BBS1: variants seen among roughly 807,000 people sequenced by gnomAD.
BBS1 encodes the protein Bardet-Biedl syndrome 1.
In BBS1, 60 loss-of-function variants were observed where a neutral mutation model predicts 73.9. That is an observed-to-expected ratio of 0.81 (90% CI 0.66 to 1.01). The LOEUF is 1.01. Among genes scored for constraint, BBS1 ranks in the 50% least tolerant of loss-of-function variants. The probability of loss-of-function intolerance (pLI) is 0.00; values close to 1 mark genes in which losing one functional copy is unlikely to be tolerated. For synonymous variants in BBS1, 283 were observed against 317.4 expected (o/e 0.89, Z 1.15); for missense variants, 718 against 770.3 (o/e 0.93, Z 0.80).
chr11:66,523,205 G>A (rs572621472), intron 9 of BBS1: 56 of 620,010 alleles, frequency 9.0e-5, no homozygotes, highest in South Asian at 7.6e-4. Flanking sequence ...GAAGGTGGGC[G>A]GAAGACAAGA....
At chr11:66,516,122 CTTTTT>C (rs35735110) in intron 7 of BBS1, among the ~76,000 whole-genome samples, 189 bp downstream of exon 7, 1 of 99,356 alleles carries the variant, frequency 1.0e-5, no homozygotes, top group Non-Finnish European at 2.0e-5. Context: ...GTAGTGACAG[CTTTTT>C]TTTTTTTTTT....
rs1011759866 is a variant in BBS1 at position 66,527,153 on chromosome 11, G to C, written c.1339+346G>C. Reference sequence around the variant, plus strand: ...ACACTTTGGCAGAGGTGGGAGGACAGCATGAGCCCAGGAGTTCAAGACCTA... The same window carrying C: ...ACACTTTGGCAGAGGTGGGAGGACACCATGAGCCCAGGAGTTCAAGACCTA... On this transcript the variant is annotated intron_variant, in intron 13 of 16. Transcript: ENST00000318312. The C allele has an allele frequency of 5.4e-6, 4 of 745,158 alleles. No individual in the cohort carries two copies. The East Asian group carries it at 1.1e-4, about 20-fold the overall frequency. The allele number at this position is 745,158 out of a possible 1,614,324, so 46.2% of individuals were successfully genotyped here. A position where few individuals can be genotyped will look rare whatever the true frequency, so the allele number is the denominator to read the frequency against.
At chr11:66,527,013 GT>G in intron 13 of BBS1, 1 of 1,536,784 alleles carries the variant, frequency 6.5e-7, no homozygotes, top group Non-Finnish European at 8.7e-7. Flanking sequence ...GGTGCTGTGG[GT>G]GACAGCAAGA....
chr11:66,515,702 A>G lies in BBS1; in HGVS notation c.489A>G (p.Ala163=). The G allele has an allele frequency of 6.2e-7, 1 of 1,614,240 alleles. No homozygotes were observed. The highest frequency in any genetic ancestry group is 1.1e-5 in the South Asian group (1 of 91,090). ...GCCCCTTTCCTTGCAGGGAGACGGC[A>G]GAGGAGCCTTTGTCCATCCAGTCAC... ...KEMLESIRET[A]EEPLSIQSLR... Residue 163 remains alanine (A), a synonymous_variant, in exon 6 of 17, where the codon GCA becomes GCG. Transcript: ENST00000318312.
At chr11:66,514,805 C>A in intron 4 of BBS1, 127 bp downstream of exon 4, 2 of 1,072,060 alleles carry the variant, frequency 1.9e-6, no homozygotes, top group Non-Finnish European at 2.7e-6. Flanking sequence ...TCTCTGACAG[C>A]AGCAGTGATG....
At chr11:66,523,403 T>C (rs1274859669) in intron 9 of BBS1, 53 bp from the exon 10 acceptor site, 7 of 1,613,686 alleles carry the variant, frequency 4.3e-6, no homozygotes, top group Admixed American at 1.7e-5. Flanking sequence ...GGGTCAGCCA[T>C]AGAAGTGGAG....
At position 66,514,536 on chromosome 11, in the gene BBS1, A is replaced by G. The variant is rs777005564; in HGVS notation, c.290A>G (p.His97Arg). 5.0e-6 allele frequency: 8 copies of G among 1,614,024 alleles called. No individual in the cohort carries two copies. The Admixed American group carries it at 1.2e-4, about 24-fold the overall frequency. ...GCTGCCACCTTCCTCATGGAGCAAC[A>G]TGAGCCCCGGACCCCAGCTCTGGCA... ...AAAATFLMEQ[H>R]EPRTPALALA... Residue 97 changes from histidine (H) to arginine (R), a missense_variant, in exon 4 of 17, where the codon CAT (histidine) becomes CGT (arginine). By Grantham distance (29) the His-to-Arg change is conservative (BLOSUM62 0). Transcript: ENST00000318312.
chr11:66,521,438 G>A (rs1856213135), intron 9 of BBS1, 62 bp downstream of exon 9: 2 of 1,339,232 alleles, frequency 1.5e-6, no homozygotes, highest in African/African-American at 2.9e-5. Context: ...TGGCTTCAGA[G>A]GCTTGCAAGA....
intron 7 of BBS1, among the ~76,000 whole-genome samples, chr11:66,517,691 C>A (rs753138350): frequency 5.3e-5 from 8 of 152,128 alleles, no homozygotes; most frequent in Admixed American, 4.6e-4. Flanking sequence ...TGGTCTCGAT[C>A]TCTTGACCTC....
At chr11:66,511,141 C>A in intron 2 of BBS1, 52 bp downstream of exon 2, 1 of 1,613,740 alleles carries the variant, frequency 6.2e-7, no homozygotes, top group Non-Finnish European at 8.5e-7. Context: ...GGGAGTCAGA[C>A]AATGGTCCTG....
At chr11:66,512,187 T>C (rs1855969439) in intron 3 of BBS1, among the ~76,000 whole-genome samples, 1 of 151,968 alleles carries the variant, frequency 6.6e-6, no homozygotes, top group African/African-American at 2.4e-5. Flanking sequence ...TCAGTATCCA[T>C]TTCTGGACTA....
In BBS1 at chr11:66,510,785, C is replaced by T; in HGVS notation, c.47+79C>T. The T allele has an allele frequency of 1.9e-6, 3 of 1,586,280 alleles. No homozygotes were observed. The South Asian group carries it at 3.3e-5, about 18-fold the overall frequency. ...TTGGTCCCCGGGCTCTGGGCTCCTG[C>T]TGTTCTCGGGCAGTCTGGAAGGACT... is the stretch of plus-strand genomic sequence containing the variant. On this transcript the variant is annotated intron_variant, in intron 1 of 16. Coordinates refer to ENST00000318312, the MANE Select transcript of BBS1 (RefSeq NM_024649.5).
At position 66,531,903 on chromosome 11, in the gene BBS1, AG is replaced by A. The variant is rs900334123; in HGVS notation, c.1696-44del. The A allele has an allele frequency of 3.8e-6, 6 of 1,570,506 alleles. No individual in the cohort carries two copies. In the African/African-American group the frequency reaches 4.1e-5, roughly 11 times the overall value. On this transcript the variant is annotated intron_variant, in intron 16 of 16. Transcript: ENST00000318312. ...CATTAGGGCCAGCGCAGACCAGGCA[AG>A]GGGTCAGGGGTGTATGCCCCCTGCT...
intron 11 of BBS1, among the ~76,000 whole-genome samples, chr11:66,525,199 C>CAA (rs1202954773): frequency 0.02 from 1,671 of 83,408 alleles, 55 homozygotes; most frequent in African/African-American, 0.07. Context: ...GACTCCATCT[C>CAA]AAAAAAAAAA....
chr11:66,518,558 C>T (rs957985876), intron 7 of BBS1, among the ~76,000 whole-genome samples: 3 of 151,402 alleles, frequency 2.0e-5, no homozygotes, highest in Non-Finnish European at 2.9e-5. Context: ...CTCTGCTTCC[C>T]GGGTTCCAGC....
At position 66,531,019 on chromosome 11, in the gene BBS1, C is replaced by T; in HGVS notation, c.1599C>T (p.Ala533=). Residue 533 remains alanine (A), a synonymous_variant, in exon 15 of 17, where the codon GCC becomes GCT. Coordinates refer to ENST00000318312, the MANE Select transcript of BBS1 (RefSeq NM_024649.5). ...YNEALYSLPR[A]FFKVPLLVPG... ...AGGCGCTCTATTCCCTGCCCCGGGC[C>T]TTCTTCAAGGTACTGGATGCTCCTC... 2 of 1,614,222 alleles carry T rather than the reference C, an allele frequency of 1.2e-6. No homozygotes were observed. The highest frequency in any genetic ancestry group is 1.7e-6 in the Non-Finnish European group (2 of 1,180,032).
intron 15 of BBS1, 34 bp from the exon 16 acceptor site, chr11:66,531,622 G>C: frequency 3.1e-6 from 5 of 1,613,906 alleles, no homozygotes; most frequent in Non-Finnish European, 4.2e-6. Flanking sequence ...TGGCACGAGG[G>C]CTGGTTTCCT....
chr11:66,514,117 A>G (rs1156533612), intron 3 of BBS1, among the ~76,000 whole-genome samples: 3 of 152,236 alleles, frequency 2.0e-5, no homozygotes, highest in Admixed American at 6.5e-5. Flanking sequence ...AATGAATAAT[A>G]AAAACATCAA....
rs1181760871 is a variant in BBS1 at position 66,526,771 on chromosome 11, G to A, written c.1303G>A (p.Val435Met). The stretch of plus-strand genomic sequence containing the variant: ...TGTGCCCCGAAAGACCCGGCTTTAC[G>A]TGGATCAGACACTGCGAGAGCGGGA... The part of the protein sequence containing the change: ...LNVPRKTRLY[V>M]DQTLREREAG... Residue 435 changes from valine (V) to methionine (M), a missense_variant, in exon 13 of 17, where the codon GTG (valine) becomes ATG (methionine). By Grantham distance (21) the Val-to-Met change is conservative (BLOSUM62 1). Transcript: ENST00000318312. 7 of 1,614,244 alleles carry A rather than the reference G, an allele frequency of 4.3e-6. No individual in the cohort carries two copies. The highest frequency in any genetic ancestry group is 2.7e-5 in the African/African-American group (2 of 75,060).
Sources: gnomAD v4.1 joint callset for allele counts (sites outside exome capture counted in the v4.1 genomes callset) on GRCh38, gnomAD v4.1.1 for gene constraint, MANE v1.5 for transcripts, NCBI Gene and HGNC (gene_info 2026-07-23, HGNC 2026-07-21) for gene names.